Variants in NCOA1 observed in about 807,000 individuals in gnomAD.
The protein encoded by NCOA1 is nuclear receptor coactivator 1.
In NCOA1, 35 loss-of-function variants were observed where a neutral mutation model predicts 150.9. That is an observed-to-expected ratio of 0.23 (90% CI 0.18 to 0.31). NCOA1 has a LOEUF of 0.31. Among genes scored for constraint, NCOA1 ranks in the 10% least tolerant of loss-of-function variants. The pLI is 1.00. For missense variants in NCOA1, 1,491 were observed against 1,749.3 expected, an observed-to-expected ratio of 0.85 and a Z score of 2.63; for synonymous variants, 590 against 630.0, an observed-to-expected ratio of 0.94 and a Z score of 0.95.
chr2:24,495,565 C>T (rs1228247446), intron 1 of NCOA1, among the ~76,000 whole-genome samples: 2 of 152,008 alleles, frequency 1.3e-5, no homozygotes, highest in Non-Finnish European at 2.9e-5. Flanking sequence ...CACAGACAGG[C>T]CAGACTCATA....
At chr2:24,646,826 G>A (rs188820291) in intron 4 of NCOA1, among the ~76,000 whole-genome samples, 1 of 151,404 alleles carries the variant, frequency 6.6e-6, no homozygotes, top group African/African-American at 2.4e-5. Context: ...TAATTTAGGT[G>A]TTATTGAAAG....
At chr2:24,548,024 A>C (rs1386389829) in intron 1 of NCOA1, among the ~76,000 whole-genome samples, 2 of 149,168 alleles carry the variant, frequency 1.3e-5, no homozygotes, top group African/African-American at 4.9e-5. Context: ...AGGGAATTCT[A>C]TAAGGAATGC....
At chr2:24,709,093 T>C (rs1463753446) in intron 13 of NCOA1, among the ~76,000 whole-genome samples, 1 of 152,192 alleles carries the variant, frequency 6.6e-6, no homozygotes, top group African/African-American at 2.4e-5. Flanking sequence ...GATAAGGCTG[T>C]CTCGTGTTTC....
At chr2:24,591,446 A>T (rs937005020) in intron 3 of NCOA1, among the ~76,000 whole-genome samples, 1 of 152,240 alleles carries the variant, frequency 6.6e-6, no homozygotes, top group Non-Finnish European at 1.5e-5. Flanking sequence ...TAAGACATCT[A>T]TGAAATAAAG....
At chr2:24,695,607 AAGT>A (rs1181136273) in intron 10 of NCOA1, among the ~76,000 whole-genome samples, 1 of 152,218 alleles carries the variant, frequency 6.6e-6, no homozygotes, top group Non-Finnish European at 1.5e-5. Flanking sequence ...TTAATTTCTT[AAGT>A]TTTTGTAGTA....
At chr2:24,706,486 CTTGTT>C (rs1673437871) in intron 12 of NCOA1, 77 bp from the exon 13 acceptor site, 3 of 1,408,990 alleles carry the variant, frequency 2.1e-6, no homozygotes, top group African/African-American at 2.9e-5. Flanking sequence ...GATCAATGGT[CTTGTT>C]TTAGAATATG....
chr2:24,607,978 G>A (rs939552622), intron 3 of NCOA1, among the ~76,000 whole-genome samples: 5 of 151,864 alleles, frequency 3.3e-5, no homozygotes, highest in African/African-American at 1.2e-4. Context: ...CTTATACCAA[G>A]AACACAAAAC....
intron 1 of NCOA1, among the ~76,000 whole-genome samples, chr2:24,557,315 G>C (rs573982593): frequency 1.3e-5 from 2 of 151,708 alleles, no homozygotes; most frequent in Non-Finnish European, 2.9e-5. Context: ...CTTCAATTTT[G>C]TATCTCCCCT....
chr2:24,548,805 T>G (rs964010195), intron 1 of NCOA1, among the ~76,000 whole-genome samples: 1 of 152,146 alleles, frequency 6.6e-6, no homozygotes, highest in Non-Finnish European at 1.5e-5. Flanking sequence ...TTGCGAGGGG[T>G]GGGTTCCCAA....
At chr2:24,647,679 T>A (rs1385941374) in intron 4 of NCOA1, among the ~76,000 whole-genome samples, 1 of 152,226 alleles carries the variant, frequency 6.6e-6, no homozygotes, top group Non-Finnish European at 1.5e-5. Context: ...ATATATAATG[T>A]CATATCCTTT....
At chr2:24,676,681 A>T (rs1572577369) in intron 7 of NCOA1, among the ~76,000 whole-genome samples, 1 of 152,248 alleles carries the variant, frequency 6.6e-6, no homozygotes, top group South Asian at 2.1e-4. Flanking sequence ...AACAAAGATC[A>T]TTGAGATTCA....
chr2:24,672,056 A>T (rs1014926939), intron 6 of NCOA1, among the ~76,000 whole-genome samples: 1 of 152,140 alleles, frequency 6.6e-6, no homozygotes, highest in African/African-American at 2.4e-5. Context: ...TGGAGGACTA[A>T]TGGTATATAT....
chr2:24,635,156 C>A (rs1284128003), intron 3 of NCOA1, among the ~76,000 whole-genome samples: 1 of 152,100 alleles, frequency 6.6e-6, no homozygotes, highest in African/African-American at 2.4e-5. Flanking sequence ...TGATCTGCAT[C>A]ATTCTTCCCC....
At chr2:24,647,898 A>G (rs951915598) in intron 4 of NCOA1, among the ~76,000 whole-genome samples, 1 of 152,176 alleles carries the variant, frequency 6.6e-6, no homozygotes, top group African/African-American at 2.4e-5. Context: ...AAAAATTTAA[A>G]AGTCTGCATC....
chr2:24,695,212 T>C (rs1672842398), intron 10 of NCOA1, among the ~76,000 whole-genome samples: 1 of 152,148 alleles, frequency 6.6e-6, no homozygotes, highest in African/African-American at 2.4e-5. Context: ...CCTGGTAATA[T>C]GTATAAATAT....
intron 1 of NCOA1, among the ~76,000 whole-genome samples, chr2:24,526,679 A>G (rs532134990): frequency 7.9e-5 from 12 of 151,860 alleles, no homozygotes; most frequent in African/African-American, 2.4e-5. Context: ...GGCTCATTGC[A>G]TTGCAGCCTT....
At chr2:24,535,343 T>A (rs1665086627) in intron 1 of NCOA1, among the ~76,000 whole-genome samples, 1 of 152,160 alleles carries the variant, frequency 6.6e-6, no homozygotes. Context: ...CCTATGTGTG[T>A]CTCTGCACGT....
intron 1 of NCOA1, among the ~76,000 whole-genome samples, chr2:24,508,913 G>T (rs2148100103): frequency 6.6e-6 from 1 of 152,302 alleles, no homozygotes; most frequent in East Asian, 1.9e-4. Context: ...AAATCCTAAA[G>T]TGATCACCAT....
chr2:24,643,621 G>GA (rs1290162661), intron 3 of NCOA1, among the ~76,000 whole-genome samples: 3 of 151,938 alleles, frequency 2.0e-5, no homozygotes, highest in African/African-American at 7.3e-5. Flanking sequence ...CTGAAAACAT[G>GA]AAAAAAATCA....
Sources: gnomAD v4.1 joint callset for allele counts (sites outside exome capture counted in the v4.1 genomes callset) on GRCh38, gnomAD v4.1.1 for gene constraint, MANE v1.5 for transcripts, NCBI Gene and HGNC (gene_info 2026-07-23, HGNC 2026-07-21) for gene names.